Variants in TTC12 observed in about 807,000 individuals in gnomAD.
TTC12 encodes the protein tetratricopeptide repeat domain 12.
TTC12 carries 70 observed loss-of-function variants against 90.1 expected under a neutral mutation model. The ratio of observed to expected loss-of-function variants is 0.78; its 90% CI spans 0.64 to 0.95. The LOEUF is 0.95. TTC12 is among the 40% of genes least tolerant of loss of function. The pLI, the probability that TTC12 is intolerant of heterozygous loss-of-function variation, is 0.00. For missense variants in TTC12, 819 were observed against 846.1 expected (o/e 0.97, Z 0.40); for synonymous variants, 296 against 311.5 (o/e 0.95, Z 0.53).
In TTC12 at chr11:113,347,187, G is replaced by A. The variant is rs555110935; in HGVS notation, c.1154+2747G>A. 4.5e-4 allele frequency among the ~76,000 whole-genome samples: 69 copies of A among 152,178 alleles called. 1 individual carries two copies. Among genetic ancestry groups the A allele is most frequent in the Non-Finnish European group, 6.6e-4 (45 of 68,028 alleles). ...AGAAAATAGGTTTAAATTGGTGAAG[G>A]ATGAATCTGAACTAACTGTAAAACA... On this transcript the variant is annotated intron_variant, in intron 13 of 21. Transcript: ENST00000529221.
At chr11:113,368,112 A>G (rs1196359032), downstream of TTC12, 2 of 1,207,104 alleles carry the variant, frequency 1.7e-6, no homozygotes, top group Non-Finnish European at 2.2e-6. Context: ...GCTCTTGAAA[A>G]TGGCTATGAT....
intron 2 of TTC12, among the ~76,000 whole-genome samples, chr11:113,322,955 CT>C (rs1201686419): frequency 1.2e-4 from 19 of 152,190 alleles, no homozygotes; most frequent in Admixed American, 5.9e-4. Flanking sequence ...AAAAAAGGAT[CT>C]TTTTTTATTC....
chr11:113,329,829 A>G (rs1232195904), intron 6 of TTC12, 91 bp from the exon 7 acceptor site: 2 of 1,082,272 alleles, frequency 1.8e-6, no homozygotes, highest in Non-Finnish European at 2.9e-6. Context: ...GTTCTCGCTG[A>G]CATTCTACTG....
At chr11:113,352,335 T>G (rs552158121) in intron 16 of TTC12, 128 bp downstream of exon 16, 1 of 1,167,076 alleles carries the variant, frequency 8.6e-7, no homozygotes, top group African/African-American at 1.6e-5. Flanking sequence ...GGCTTATCCC[T>G]TCTGTAACCA....
intron 2 of TTC12, among the ~76,000 whole-genome samples, chr11:113,319,481 GAA>G (rs1555137283): frequency 6.6e-6 from 1 of 152,078 alleles, no homozygotes; most frequent in African/African-American, 2.4e-5. Context: ...AGACATGAAA[GAA>G]GAGCTAAATA....
chr11:113,368,153 A>G (rs973844565), downstream of TTC12: 2 of 1,347,082 alleles, frequency 1.5e-6, no homozygotes, highest in Middle Eastern at 2.1e-4. Context: ...AGAGTGGGGA[A>G]TGTCAAATTA....
intron 13 of TTC12, among the ~76,000 whole-genome samples, chr11:113,348,794 G>A (rs1333939773): frequency 6.6e-6 from 1 of 152,136 alleles, no homozygotes; most frequent in Non-Finnish European, 1.5e-5. Context: ...GAGAACAGGG[G>A]CCAACAGGGC....
downstream of TTC12, chr11:113,368,721 T>A: frequency 1.8e-6 from 1 of 562,492 alleles, no homozygotes; most frequent in South Asian, 2.4e-5. Context: ...CACGGGCTGC[T>A]ATTGTAAACA....
chr11:113,365,419 C>T (rs1950156244), intron 21 of TTC12: 1 of 249,688 alleles, frequency 4.0e-6, no homozygotes, highest in African/African-American at 2.2e-5. Flanking sequence ...TCTCTTCCCT[C>T]TTTTCTCTCT....
rs781890522 is a variant in TTC12, at chr11:113,339,436, C to G, written c.788C>G (p.Ala263Gly). Reference sequence around the variant, plus strand: ...CCTGACCAGATCCCCTTGTTCTATGCTGGGGGGATTGAGATCCTGACTGAA... The same window carrying G: ...CCTGACCAGATCCCCTTGTTCTATGGTGGGGGGATTGAGATCCTGACTGAA... The part of the protein sequence containing the change: ...SKPDQIPLFY[A>G]GGIEILTEMI... The change falls in exon 10 of 22, where the codon GCT (alanine) becomes GGT (glycine). Residue 263 changes from alanine (A) to glycine (G), a missense_variant. By Grantham distance (60) the Ala-to-Gly change is moderately conservative. Coordinates refer to ENST00000529221, the MANE Select transcript of TTC12 (RefSeq NM_017868.4). 5.0e-6 allele frequency: 8 copies of G among 1,612,910 alleles called. No homozygotes were observed. Among genetic ancestry groups the G allele is most frequent in the Non-Finnish European group, 6.8e-6 (8 of 1,179,718 alleles).
chr11:113,365,862 T>G (rs949809355), intron 21 of TTC12, among the ~76,000 whole-genome samples: 7 of 152,220 alleles, frequency 4.6e-5, no homozygotes, highest in Non-Finnish European at 7.3e-5. Context: ...TCAAGTTCTG[T>G]CTGGTTGTTC....
chr11:113,332,646 T>C (rs1948131324), intron 7 of TTC12, among the ~76,000 whole-genome samples: 1 of 152,202 alleles, frequency 6.6e-6, no homozygotes, highest in Non-Finnish European at 1.5e-5. Flanking sequence ...TCTCATGGGC[T>C]CAACTCTCAT....
chr11:113,343,679 C>A (rs1365944580), intron 12 of TTC12, among the ~76,000 whole-genome samples: 7 of 152,078 alleles, frequency 4.6e-5, no homozygotes, highest in Admixed American at 6.6e-5. Flanking sequence ...CAGTCTGTAC[C>A]CTGCAGTTTC....
chr11:113,330,587 AG>A (rs1350545376), intron 7 of TTC12, among the ~76,000 whole-genome samples: 2 of 152,334 alleles, frequency 1.3e-5, no homozygotes, highest in Non-Finnish European at 2.9e-5. Flanking sequence ...ATCACTTTTT[AG>A]GGACATGACC....
intron 10 of TTC12, 175 bp downstream of exon 10, chr11:113,339,649 C>G: frequency 5.2e-6 from 3 of 582,218 alleles, no homozygotes. Flanking sequence ...GACTTCTGCT[C>G]CATCCTCTCT....
intron 13 of TTC12, among the ~76,000 whole-genome samples, chr11:113,348,639 G>A (rs569030579): frequency 2.5e-4 from 38 of 152,308 alleles, no homozygotes; most frequent in African/African-American, 8.9e-4. Context: ...ACTATTCCTT[G>A]TAAGGCTGGT....
chr11:113,341,783 A>G, intron 11 of TTC12, 54 bp from the exon 12 acceptor site: 1 of 1,399,822 alleles, frequency 7.1e-7, no homozygotes, highest in Non-Finnish European at 1.0e-6. Flanking sequence ...AATGGAAAAG[A>G]AAATCAAGAC....
At chr11:113,323,178 C>T in intron 2 of TTC12, 110 bp from the exon 3 acceptor site, 2 of 704,506 alleles carry the variant, frequency 2.8e-6, no homozygotes, top group Non-Finnish European at 3.9e-6. Flanking sequence ...TTCTATTGCT[C>T]TATTTTTTTC....
At chr11:113,347,111 G>A (rs1555148388) in intron 13 of TTC12, among the ~76,000 whole-genome samples, 1 of 152,224 alleles carries the variant, frequency 6.6e-6, no homozygotes, top group African/African-American at 2.4e-5. Context: ...GTCTTAGACT[G>A]TTGTCTCATC....
Sources: gnomAD v4.1 joint callset for allele counts (sites outside exome capture counted in the v4.1 genomes callset) on GRCh38, gnomAD v4.1.1 for gene constraint, MANE v1.5 for transcripts, NCBI Gene and HGNC (gene_info 2026-07-23, HGNC 2026-07-21) for gene names.